The following WDR81 variants were observed in gnomAD, a reference collection of about 807,000 sequenced individuals.
WDR81 encodes the protein WD repeat domain 81, also known as WD repeat-containing protein 81.
WDR81 carries 92 observed loss-of-function variants against 140.8 expected under a neutral mutation model. The ratio of observed to expected loss-of-function variants is 0.65; its 90% CI spans 0.55 to 0.78. The LOEUF is 0.78. Ranked by LOEUF, WDR81 falls within the 30% of genes least tolerant of loss-of-function variation. The pLI is 0.00. For synonymous variants in WDR81, 1,183 were observed against 1,156.4 expected (o/e 1.02, Z -0.47); for missense variants, 2,502 against 2,636.4 (o/e 0.95, Z 1.12).
chr17:1,732,938 A>G (rs1904488793), intron 6 of WDR81, 107 bp downstream of exon 6: 2 of 1,412,334 alleles, frequency 1.4e-6, no homozygotes, highest in Non-Finnish European at 1.9e-6. Context: ...TCTAAGAGCC[A>G]GCAGGATGGG....
Position 1,730,375 on chromosome 17 carries a change from C to T in WDR81, c.3668-5C>T, listed in dbSNP as rs375497378. ...AGGAGCTCAGGGCCTGCTCCCACCC[C>T]GCAGATACAGCCTGCAAGATGGTCC... On this transcript the variant is annotated splice_region_variant and splice_polypyrimidine_tract_variant and intron_variant, in intron 1 of 9. Transcript: ENST00000409644. 49 of 1,609,406 alleles carry T rather than the reference C, an allele frequency of 3.0e-5. No homozygotes were observed. Among genetic ancestry groups the T allele is most frequent in the South Asian group, 1.2e-4 (11 of 90,578 alleles).
chr17:1,733,376 A>G, intron 6 of WDR81, 151 bp from the exon 7 acceptor site: 1 of 736,926 alleles, frequency 1.4e-6, no homozygotes, highest in Non-Finnish European at 2.2e-6. Flanking sequence ...CATTTCACTG[A>G]GGAGGAAACT....
In WDR81 at chr17:1,735,232, A is replaced by C. The variant is rs1405236471; in HGVS notation, c.5180-340A>C. Among the ~76,000 whole-genome samples, 1 of 152,210 alleles carries C rather than the reference A, an allele frequency of 6.6e-6. No individual in the cohort carries two copies. ...ATCATGAGGTCAGGAGATCGAGACC[A>C]TCCAGGCTAACATGGTAAAACCCCG... On this transcript the variant is annotated intron_variant, in intron 7 of 9. Transcript: ENST00000409644. The surrounding 1 kb of genome is among the most constrained non-coding windows in gnomAD (Gnocchi z 4.2).
At chr17:1,736,706 C>A (rs1904898390) in intron 9 of WDR81, among the ~76,000 whole-genome samples, 1 of 152,266 alleles carries the variant, frequency 6.6e-6, no homozygotes, top group Non-Finnish European at 1.5e-5. Flanking sequence ...GTCTCCTTCC[C>A]CTCCCCCTCC....
chr17:1,734,373 T>A (rs1005596535), intron 7 of WDR81, 157 bp downstream of exon 7: 1 of 481,178 alleles, frequency 2.1e-6, no homozygotes, highest in African/African-American at 2.1e-5. Flanking sequence ...TCTGTTAGAC[T>A]TGAGTCTGAA....
At chr17:1,732,881 C>G in intron 6 of WDR81, 50 bp downstream of exon 6, 1 of 1,548,248 alleles carries the variant, frequency 6.5e-7, no homozygotes, top group Non-Finnish European at 8.7e-7. Context: ...TGTCTCCTCC[C>G]TTGGGAGGCC....
chr17:1,737,339 G>T, intron 9 of WDR81, 26 bp from the exon 10 acceptor site: 2 of 1,576,836 alleles, frequency 1.3e-6, no homozygotes, highest in Non-Finnish European at 8.6e-7. Context: ...CCAGGCTCCT[G>T]CTGAGGCTCT....
chr17:1,737,076 C>T (rs1904934443), intron 9 of WDR81, among the ~76,000 whole-genome samples: 1 of 152,178 alleles, frequency 6.6e-6, no homozygotes. Context: ...GGGACAATGG[C>T]AGCATCCACC....
chr17:1,725,280 G>T lies in WDR81; in HGVS notation c.321G>T (p.Val107=). Residue 107 remains valine, a synonymous_variant, in exon 1 of 10, where the codon GTG becomes GTT. Coordinates refer to ENST00000409644, the MANE Select transcript of WDR81 (RefSeq NM_001163809.2). The part of the protein sequence containing the change: ...RLPAGWTRVE[V]HGLRKRRLSY... ...CTGCCGGCTGGACGCGCGTGGAGGTGCATGGGCTGCGGAAGCGGAGACTGT... is the reference window on the plus strand; with the variant it reads ...CTGCCGGCTGGACGCGCGTGGAGGTTCATGGGCTGCGGAAGCGGAGACTGT... 2 of 1,546,398 alleles carry T rather than the reference G, an allele frequency of 1.3e-6. No homozygotes were observed. The highest frequency in any genetic ancestry group is 2.4e-5 in the East Asian group (1 of 40,920).
Position 1,737,604 on chromosome 17 carries a change from G to T in WDR81, c.5745G>T (p.Thr1915=), listed in dbSNP as rs778962227. The T allele has an allele frequency of 1.9e-6, 3 of 1,612,702 alleles. No individual in the cohort carries two copies. The highest frequency in any genetic ancestry group is 2.2e-5 in the South Asian group (2 of 91,084). Residue 1915 remains threonine (T), a synonymous_variant, in exon 10 of 10, where the codon ACG becomes ACT. Coordinates refer to ENST00000409644, the MANE Select transcript of WDR81 (RefSeq NM_001163809.2). ...TKLSSENFRG[T]LTSLALLPTK... ...TCAGCTCTGAGAACTTCCGCGGCAC[G>T]CTCACCAGCCTGGCCTTGCTGCCCA...
rs771822719 is a variant in WDR81 at position 1,737,337 on chromosome 17, C to T, written c.5506-28C>T. On this transcript the variant is annotated intron_variant, in intron 9 of 9. Coordinates refer to ENST00000409644, the MANE Select transcript of WDR81 (RefSeq NM_001163809.2). ...AGGGTATGCAGAAGGACCCAGGCTC[C>T]TGCTGAGGCTCTCCTCTCCCGGGAC... 3.8e-6 allele frequency: 6 copies of T among 1,573,654 alleles called. No homozygotes were observed. The South Asian group carries it at 7.1e-5, about 19-fold the overall frequency.
chr17:1,728,216 A>C lies in WDR81; in HGVS notation c.3257A>C (p.Gln1086Pro), dbSNP rs750593896. Reference sequence around the variant, plus strand: ...GACCTCCCTGAGACAGAGGACTTCCAAGCCGGGCTCTATGTGACTGAGTCT... The same window carrying C: ...GACCTCCCTGAGACAGAGGACTTCCCAGCCGGGCTCTATGTGACTGAGTCT... ...QADLPETEDF[Q>P]AGLYVTESPQ... is the part of the protein sequence containing the mutation. The change falls in exon 1 of 10, where the codon CAA becomes CCA. Residue 1086 changes from glutamine to proline, a missense_variant. Coordinates refer to ENST00000409644, the MANE Select transcript of WDR81 (RefSeq NM_001163809.2). 6.2e-7 allele frequency: 1 copy of C among 1,605,496 alleles called. No individual in the cohort carries two copies.
At chr17:1,732,593 C>T (rs1597299272) in intron 5 of WDR81, 73 bp from the exon 6 acceptor site, 25 of 1,571,132 alleles carry the variant, frequency 1.6e-5, no homozygotes, top group Non-Finnish European at 2.1e-5. Flanking sequence ...ACTCCGCGGG[C>T]CGTGGCGAGG....
chr17:1,723,035 T>TGTAC (rs912033320), upstream of WDR81, among the ~76,000 whole-genome samples: 4 of 152,088 alleles, frequency 2.6e-5, no homozygotes, highest in Non-Finnish European at 5.9e-5. Flanking sequence ...CCCTCACACC[T>TGTAC]GTACACCAAA....
chr17:1,720,663 G>T (rs1242739511), upstream of WDR81, among the ~76,000 whole-genome samples: 1 of 152,078 alleles, frequency 6.6e-6, no homozygotes, highest in Non-Finnish European at 1.5e-5. Context: ...TACTCGGGAG[G>T]CTGAGGCAGG....
Position 1,724,891 on chromosome 17 carries a change from C to G in WDR81, c.-69C>G. ...ATCCCAGCCCCGCCGGCCTGGCACC[C>G]CGGAAGCCGTCGCCAGCAGGGCCGT... is the stretch of plus-strand genomic sequence containing the variant. On this transcript the variant is annotated 5_prime_UTR_variant, in exon 1 of 10. Transcript: ENST00000409644. The G allele has an allele frequency of 7.8e-7, 1 of 1,284,822 alleles. No individual in the cohort carries two copies. Among genetic ancestry groups the G allele is most frequent in the South Asian group, 2.7e-5 (1 of 37,220 alleles). 79.6% of individuals were successfully genotyped at this position (1,284,822 alleles called of 1,614,324 possible). A position where few individuals can be genotyped will look rare whatever the true frequency, so the allele number is the denominator to read the frequency against.
rs748836111 is a variant in WDR81, at chr17:1,728,539, G to A, written c.3580G>A (p.Val1194Met). The A allele has an allele frequency of 1.3e-6, 2 of 1,546,536 alleles. No individual in the cohort carries two copies. Among genetic ancestry groups the A allele is most frequent in the South Asian group, 2.4e-5 (2 of 84,742 alleles). Residue 1194 changes from valine (V) to methionine (M), a missense_variant, in exon 1 of 10, where the codon GTG becomes ATG. Coordinates refer to ENST00000409644, the MANE Select transcript of WDR81 (RefSeq NM_001163809.2). ...SDTVLSMETV[V>M]AGGSGGDGEE... is the part of the protein sequence containing the mutation. The stretch of plus-strand genomic sequence containing the variant: ...CACGGTGCTGTCCATGGAGACGGTT[G>A]TGGCCGGCGGCAGTGGGGGAGATGG...
Position 1,727,092 on chromosome 17 carries a change from TG to T in WDR81, c.2137del (p.Glu713ArgfsTer33). ...GGAATAAAGCTGCTGGGGCAGACCC[TG>T]GGGAGGGTGAGGAGGGGAGGATTCT... is the stretch of plus-strand genomic sequence containing the variant. ...RRNKAAGADP[G>X]EGEEGRILLP... On this transcript the variant is annotated frameshift_variant, in exon 1 of 10. Coordinates refer to ENST00000409644, the MANE Select transcript of WDR81 (RefSeq NM_001163809.2). LOFTEE classifies it high-confidence loss of function. 1 of 1,548,630 alleles carries T rather than the reference TG, an allele frequency of 6.5e-7. No individual in the cohort carries two copies. Among genetic ancestry groups the T allele is most frequent in the African/African-American group, 1.4e-5 (1 of 73,046 alleles).
At position 1,726,419 on chromosome 17, in the gene WDR81, C is replaced by G; in HGVS notation, c.1460C>G (p.Thr487Ser). The change falls in exon 1 of 10, where the codon ACC becomes AGC. Residue 487 changes from threonine (T) to serine (S), a missense_variant. Physicochemically the swap from Thr to Ser is moderately conservative, Grantham distance 58. This residue lies in a region of WDR81 where 218 missense variants were observed against 279.6 expected (regional missense o/e 0.78). Transcript: ENST00000409644. ...AGCATGGAGCGGATGCAGAACTGGA[C>G]CCCGGATGAGTGCATTCCGGAGTTC... ...PASMERMQNW[T>S]PDECIPEFYT... The G allele has an allele frequency of 6.5e-7, 1 of 1,548,348 alleles. No homozygotes were observed. Among genetic ancestry groups the G allele is most frequent in the Non-Finnish European group, 8.7e-7 (1 of 1,146,270 alleles).
Sources: gnomAD v4.1 joint callset for allele counts (sites outside exome capture counted in the v4.1 genomes callset) on GRCh38, gnomAD v4.1.1 for gene constraint, gnomAD v4.1.1 regional missense constraint, Gnocchi (gnomAD v3.1) non-coding constraint, MANE v1.5 for transcripts, NCBI Gene and HGNC (gene_info 2026-07-23, HGNC 2026-07-21) for gene names.